Variants in SLC7A7 observed in about 807,000 individuals in gnomAD.
SLC7A7 encodes solute carrier family 7 member 7, also known as Y+L amino acid transporter 1.
SLC7A7 carries 39 observed loss-of-function variants against 47.9 expected under a neutral mutation model. The observed-to-expected ratio is 0.81, with a 90% CI of 0.63 to 1.06. The LOEUF is 1.06. SLC7A7 is among the 50% of genes least tolerant of loss of function. The pLI, the probability that SLC7A7 is intolerant of heterozygous loss-of-function variation, is 0.00. For missense variants in SLC7A7, 588 were observed against 632.0 expected, an observed-to-expected ratio of 0.93 and a Z score of 0.75; for synonymous variants, 234 against 242.8, an observed-to-expected ratio of 0.96 and a Z score of 0.34.
intron 2 of SLC7A7, among the ~76,000 whole-genome samples, chr14:22,800,084 C>A (rs1236815768): frequency 6.6e-6 from 1 of 152,214 alleles, no homozygotes; most frequent in Non-Finnish European, 1.5e-5. Flanking sequence ...TGACTCTAGT[C>A]CAAGCCACCA....
intron 2 of SLC7A7, among the ~76,000 whole-genome samples, chr14:22,807,059 G>A (rs1443771230): frequency 6.6e-6 from 1 of 151,962 alleles, no homozygotes; most frequent in African/African-American, 2.4e-5. Flanking sequence ...CACCATGCCC[G>A]GCTAATTTTT....
rs185575030 is a variant in SLC7A7 at position 22,812,358 on chromosome 14, G to T, written c.499+542C>A. Among the ~76,000 whole-genome samples the T allele has an allele frequency of 7.2e-5, 11 of 151,892 alleles. No individual in the cohort carries two copies. In the East Asian group the frequency reaches 1.9e-3, roughly 27 times the overall value. Reference sequence around the variant, plus strand: ...ATTTTTGTATTTTTAGTAGAGATGGGGTTTCACCATGTTGGCCAGGCTAGT... The same window carrying T: ...ATTTTTGTATTTTTAGTAGAGATGGTGTTTCACCATGTTGGCCAGGCTAGT... On this transcript the variant is annotated intron_variant, in intron 2 of 9. Transcript: ENST00000674313.
intron 2 of SLC7A7, among the ~76,000 whole-genome samples, chr14:22,802,481 A>G (rs34304860): frequency 0.16 from 24,775 of 152,204 alleles, 2,686 homozygotes; most frequent in East Asian, 0.31. Flanking sequence ...CTGGGGATAC[A>G]GTGGATTATA....
chr14:22,782,464 A>T (rs548345152), intron 2 of SLC7A7, among the ~76,000 whole-genome samples: 5 of 135,762 alleles, frequency 3.7e-5, no homozygotes, highest in South Asian at 5.0e-4. Flanking sequence ...TTATTTATTT[A>T]TTTTATTTAT....
chr14:22,804,626 G>A (rs558787709), intron 2 of SLC7A7, among the ~76,000 whole-genome samples: 3 of 152,158 alleles, frequency 2.0e-5, no homozygotes, highest in Non-Finnish European at 4.4e-5. Context: ...CAACAGCACT[G>A]ATCATTAGAG....
chr14:22,793,291 A>G (rs992698379), intron 2 of SLC7A7, among the ~76,000 whole-genome samples: 2 of 152,220 alleles, frequency 1.3e-5, no homozygotes. Flanking sequence ...CTGTAATTGC[A>G]AAATTTTGAC....
intron 9 of SLC7A7, 93 bp from the exon 10 acceptor site, chr14:22,773,809 C>T (rs551346129): frequency 3.3e-6 from 5 of 1,535,972 alleles, no homozygotes; most frequent in East Asian, 4.5e-5. Context: ...GGGAGTGATT[C>T]CACTAAGCCG....
chr14:22,801,956 A>C (rs1387989772), intron 2 of SLC7A7, among the ~76,000 whole-genome samples: 2 of 152,180 alleles, frequency 1.3e-5, no homozygotes, highest in African/African-American at 4.8e-5. Flanking sequence ...CTCCAACCCT[A>C]TCTCTTTCCT....
chr14:22,815,778 ACTCT>A (rs144597831), upstream of SLC7A7: 5 of 424,916 alleles, frequency 1.2e-5, no homozygotes, highest in South Asian at 4.9e-5. Flanking sequence ...AATACACAGC[ACTCT>A]CTCTCTCTGT....
In SLC7A7 at chr14:22,812,903, T is replaced by C. The variant is rs772892972; in HGVS notation, c.496A>G (p.Ile166Val). 86 of 1,612,858 alleles carry C rather than the reference T, an allele frequency of 5.3e-5. No individual in the cohort carries two copies. The highest frequency in any genetic ancestry group is 6.9e-5 in the Non-Finnish European group (81 of 1,179,908). The change falls in exon 2 of 10, where the codon ATT becomes GTT. Residue 166 changes from isoleucine (I) to valine (V), a missense_variant. Transcript: ENST00000674313. ...CTCCTACCCCAGCCCCACTTACAAA[T>C]GCAGGCAGCAGCCAGCAGGCGGCTG... Reference protein sequence around the residue: ...AASRLLAAACICLLTFINCAY... With the variant: ...AASRLLAAACVCLLTFINCAY...
chr14:22,792,867 A>AAGAAAGAGAGAGAGAGAGAG (rs1555323603), intron 2 of SLC7A7, among the ~76,000 whole-genome samples: 1 of 122,466 alleles, frequency 8.2e-6, no homozygotes, highest in African/African-American at 3.1e-5. Flanking sequence ...CAAAGAAAGA[A>AAGAAAGAGAGAGAGAGAGAG]AGAGAGAGAG....
chr14:22,799,448 C>CTTTTTTTT (rs56375225), intron 2 of SLC7A7, among the ~76,000 whole-genome samples: 13 of 76,170 alleles, frequency 1.7e-4, no homozygotes, highest in Admixed American at 4.2e-4. Flanking sequence ...TTTTTTCTTT[C>CTTTTTTTT]TTTTTTTTTT....
At chr14:22,817,690 C>T (rs998072332), upstream of SLC7A7, among the ~76,000 whole-genome samples, 6 of 152,132 alleles carry the variant, frequency 3.9e-5, no homozygotes, top group East Asian at 3.8e-4. Context: ...TTGGCCAGGC[C>T]GGTCTTGAAC....
intron 2 of SLC7A7, among the ~76,000 whole-genome samples, chr14:22,799,652 G>A (rs992485099): frequency 1.3e-5 from 2 of 151,584 alleles, no homozygotes; most frequent in Admixed American, 6.6e-5. Flanking sequence ...ACAGGGTTTC[G>A]CCATGTTGGC....
intron 2 of SLC7A7, among the ~76,000 whole-genome samples, chr14:22,795,123 CA>C (rs2038990050): frequency 1.4e-5 from 2 of 139,158 alleles, no homozygotes; most frequent in African/African-American, 5.4e-5. Context: ...CTCTGTTGCC[CA>C]TGCTGGAATG....
intron 2 of SLC7A7, among the ~76,000 whole-genome samples, chr14:22,781,960 G>T (rs552426123): frequency 1.3e-5 from 2 of 152,344 alleles, no homozygotes; most frequent in Non-Finnish European, 2.9e-5. Flanking sequence ...CTCAGAGTCT[G>T]AGCTGTGTGC....
Position 22,775,476 on chromosome 14 carries a change from G to A in SLC7A7, c.1063C>T (p.Arg355Trp), listed in dbSNP as rs761778207. The change falls in exon 7 of 10, where the codon CGG becomes TGG. Residue 355 changes from arginine (R) to tryptophan (W), a missense_variant. By Grantham distance (101) the Arg-to-Trp change is moderately radical. Transcript: ENST00000674313. ...AGCAGAGAAGGCACTGGTGTGAACC[G>A]CTCAACATGGATCATGCAGATGGCA... ...PDAICMIHVE[R>W]FTPVPSLLFN... The A allele has an allele frequency of 6.8e-6, 11 of 1,613,958 alleles. No individual in the cohort carries two copies. The highest frequency in any genetic ancestry group is 2.7e-5 in the African/African-American group (2 of 74,912).
chr14:22,776,424 ACTGTTG>A (rs1256702013), intron 4 of SLC7A7, 106 bp from the exon 5 acceptor site: 5 of 1,425,374 alleles, frequency 3.5e-6, no homozygotes, highest in Non-Finnish European at 3.9e-6. Flanking sequence ...AGGGATGGAG[ACTGTTG>A]CTACATTTCC....
chr14:22,815,344 TTC>T lies in SLC7A7; in HGVS notation c.-69_-68del, dbSNP rs767972487. 2.2e-6 allele frequency: 1 copy of T among 454,460 alleles called. No individual in the cohort carries two copies. The allele number at this position is 454,460 out of a possible 1,614,324, so 28.2% of individuals were successfully genotyped here. A position where few individuals can be genotyped will look rare whatever the true frequency, so the allele number is the denominator to read the frequency against. ...CTCCTTGGTCCTGGATATAAGCAGG[TTC>T]TCACGGCAGTGTGAGCAGCAGTCAG... On this transcript the variant is annotated 5_prime_UTR_variant, in exon 1 of 10. Coordinates refer to ENST00000674313, the MANE Select transcript of SLC7A7 (RefSeq NM_003982.4).
Sources: gnomAD v4.1 joint callset for allele counts (sites outside exome capture counted in the v4.1 genomes callset) on GRCh38, gnomAD v4.1.1 for gene constraint, MANE v1.5 for transcripts, NCBI Gene and HGNC (gene_info 2026-07-23, HGNC 2026-07-21) for gene names.